The following TNFSF4 variants were observed in gnomAD, a reference collection of about 807,000 sequenced individuals.
The protein encoded by TNFSF4 is tumor necrosis factor ligand superfamily member 4.
Under a neutral mutation model 7.3 loss-of-function variants are expected in TNFSF4, and 4 were observed. The observed-to-expected ratio is 0.55, with a 90% CI of 0.27 to 1.25. TNFSF4 has a LOEUF of 1.25. TNFSF4 is among the 50% of genes most tolerant of loss of function. The pLI is 0.12. For synonymous variants in TNFSF4, 76 were observed against 83.7 expected, an observed-to-expected ratio of 0.91 and a Z score of 0.50; for missense variants, 181 against 208.8, an observed-to-expected ratio of 0.87 and a Z score of 0.82.
At chr1:173,435,583 A>G in the TNFSF4 span, among the ~76,000 whole-genome samples, 2 of 152,362 alleles carry the variant, frequency 1.3e-5, no homozygotes, top group African/African-American at 4.8e-5. Flanking sequence ...TGAACCTGTC[A>G]GCATCCAAAC....
the TNFSF4 span, among the ~76,000 whole-genome samples, chr1:173,262,362 A>G: frequency 6.6e-6 from 1 of 152,222 alleles, no homozygotes. Flanking sequence ...TGACACACCC[A>G]CAGCCAATAT....
At position 173,186,314 on chromosome 1, in the gene TNFSF4, G is replaced by T; in HGVS notation, c.*202C>A. 1 of 509,888 alleles carries T rather than the reference G, an allele frequency of 2.0e-6. No homozygotes were observed. Among genetic ancestry groups the T allele is most frequent in the East Asian group, 3.0e-5 (1 of 32,940 alleles). 31.6% of individuals were successfully genotyped at this position (509,888 alleles called of 1,614,324 possible). ...GGCTAGGCAATTTAGAAAATATAAGGATAAATAAGATTAACTGGTATATAA... is the reference window on the plus strand; with the variant it reads ...GGCTAGGCAATTTAGAAAATATAAGTATAAATAAGATTAACTGGTATATAA... On this transcript the variant is annotated 3_prime_UTR_variant, in exon 3 of 3. Transcript: ENST00000281834.
At chr1:173,305,387 CGCTT>C in the TNFSF4 span, among the ~76,000 whole-genome samples, 1 of 151,846 alleles carries the variant, frequency 6.6e-6, no homozygotes, top group Non-Finnish European at 1.5e-5. Flanking sequence ...GGATGAAACA[CGCTT>C]AAGTGGAAGA....
At chr1:173,359,982 G>A in the TNFSF4 span, among the ~76,000 whole-genome samples, 1 of 152,212 alleles carries the variant, frequency 6.6e-6, no homozygotes, top group African/African-American at 2.4e-5. Flanking sequence ...GCTGATCTAA[G>A]GACATTGGTC....
At chr1:173,188,364 G>C in intron 2 of TNFSF4, 157 bp downstream of exon 2, 1 of 634,162 alleles carries the variant, frequency 1.6e-6, no homozygotes, top group South Asian at 2.0e-5. Flanking sequence ...TATCCCTAAT[G>C]AAAATAATAT....
At chr1:173,271,552 C>T in the TNFSF4 span, among the ~76,000 whole-genome samples, 32,339 of 152,086 alleles carry the variant, frequency 0.21, 3,771 homozygotes, top group Admixed American at 0.32. Flanking sequence ...TAAACAGACA[C>T]TTCTCAAACG....
chr1:173,379,320 A>T, the TNFSF4 span, among the ~76,000 whole-genome samples: 1 of 151,000 alleles, frequency 6.6e-6, no homozygotes, highest in African/African-American at 2.4e-5. Context: ...TTCTAGAAGG[A>T]CTAAGGAGAA....
chr1:173,389,254 A>C, the TNFSF4 span, among the ~76,000 whole-genome samples: 5 of 152,216 alleles, frequency 3.3e-5, no homozygotes, highest in Non-Finnish European at 5.9e-5. Flanking sequence ...GATATCTAGC[A>C]GTCAATGACA....
At chr1:173,267,111 A>C in the TNFSF4 span, among the ~76,000 whole-genome samples, 1 of 152,138 alleles carries the variant, frequency 6.6e-6, no homozygotes. Flanking sequence ...TATTTCCTTT[A>C]ATCATAAATT....
intron 1 of TNFSF4, among the ~76,000 whole-genome samples, chr1:173,200,436 G>A (rs529218986): frequency 2.0e-5 from 3 of 152,212 alleles, no homozygotes; most frequent in East Asian, 1.9e-4. Flanking sequence ...CCTGCTACCC[G>A]TCCATTCTAA....
chr1:173,420,395 G>C, the TNFSF4 span, among the ~76,000 whole-genome samples: 1 of 152,196 alleles, frequency 6.6e-6, no homozygotes, highest in Non-Finnish European at 1.5e-5. Context: ...TGAGAACTGA[G>C]GGAAAGGACA....
the TNFSF4 span, among the ~76,000 whole-genome samples, chr1:173,413,325 G>C: frequency 6.6e-6 from 1 of 152,162 alleles, no homozygotes; most frequent in Admixed American, 6.5e-5. Flanking sequence ...CCTATGTGGG[G>C]GTTCTGAAAG....
the TNFSF4 span, among the ~76,000 whole-genome samples, chr1:173,271,821 C>T: frequency 6.6e-6 from 1 of 152,072 alleles, no homozygotes; most frequent in African/African-American, 2.4e-5. Flanking sequence ...CTAGAAATAC[C>T]AGTTGACCCA....
the TNFSF4 span, among the ~76,000 whole-genome samples, chr1:173,336,956 A>G: frequency 2.0e-5 from 3 of 152,050 alleles, no homozygotes; most frequent in African/African-American, 4.8e-5. Flanking sequence ...GAGGTGTGTT[A>G]CTTCCACCTA....
At chr1:173,284,233 CT>C in the TNFSF4 span, among the ~76,000 whole-genome samples, 2 of 152,180 alleles carry the variant, frequency 1.3e-5, no homozygotes, top group Non-Finnish European at 2.9e-5. Context: ...CTGAGTTCAA[CT>C]GAACATGGTT....
the TNFSF4 span, among the ~76,000 whole-genome samples, chr1:173,233,373 T>G: frequency 6.9e-6 from 1 of 144,244 alleles, no homozygotes; most frequent in African/African-American, 2.5e-5. Flanking sequence ...TGAAAGTGAC[T>G]GGGAGAATGG....
chr1:173,365,080 C>T, the TNFSF4 span, among the ~76,000 whole-genome samples: 1 of 148,950 alleles, frequency 6.7e-6, no homozygotes, highest in Non-Finnish European at 1.5e-5. Context: ...GTGTGAGACC[C>T]TGTCACAGGG....
chr1:173,226,451 G>T, the TNFSF4 span, among the ~76,000 whole-genome samples: 1 of 152,160 alleles, frequency 6.6e-6, no homozygotes, highest in Non-Finnish European at 1.5e-5. Context: ...CTATGCAAAT[G>T]AGCATCTCTC....
chr1:173,186,702 A>T lies in TNFSF4; in HGVS notation c.366T>A (p.Asp122Glu), dbSNP rs1178320515. The change falls in exon 3 of 3, where the codon GAT becomes GAA. Residue 122 changes from aspartate (D) to glutamate (E), a missense_variant. Asp to Glu is a conservative substitution (Grantham distance 45). Transcript: ENST00000281834. The part of the protein sequence containing the change: ...EVNISLHYQK[D>E]EEPLFQLKKV... ...TCTTCAGTTGGAAGAGGGGCTCCTC[A>T]TCCTTCTGGTAATGAAGGCTAATGT... 1.2e-6 allele frequency: 2 copies of T among 1,614,148 alleles called. No individual in the cohort carries two copies. The highest frequency in any genetic ancestry group is 1.7e-6 in the Non-Finnish European group (2 of 1,180,022).
Sources: allele counts gnomAD v4.1 joint callset (sites outside exome capture counted in the v4.1 genomes callset), GRCh38; gene constraint gnomAD v4.1.1; transcripts MANE v1.5; gene names NCBI Gene and HGNC (gene_info 2026-07-23, HGNC 2026-07-21).